The following MYOZ3 variants were observed in gnomAD, a reference collection of about 807,000 sequenced individuals.
MYOZ3 encodes myozenin-3.
Under a neutral mutation model 26.5 loss-of-function variants are expected in MYOZ3, and 19 were observed. The ratio of observed to expected loss-of-function variants is 0.72; its 90% CI spans 0.50 to 1.05. MYOZ3 has a LOEUF of 1.05. Ranked by LOEUF, MYOZ3 falls within the 50% of genes least tolerant of loss-of-function variation. The pLI, the probability that MYOZ3 is intolerant of heterozygous loss-of-function variation, is 0.00. For missense variants in MYOZ3, 322 were observed against 337.1 expected, an observed-to-expected ratio of 0.96 and a Z score of 0.35; for synonymous variants, 135 against 138.8, an observed-to-expected ratio of 0.97 and a Z score of 0.19.
At chr5:150,664,123 G>A (rs1758774454) in intron 2 of MYOZ3, among the ~76,000 whole-genome samples, 1 of 152,198 alleles carries the variant, frequency 6.6e-6, no homozygotes, top group African/African-American at 2.4e-5. Flanking sequence ...TGAGGATTCT[G>A]ACTCAGGGGA....
Position 150,676,975 on chromosome 5 carries a change from C to T in MYOZ3, c.*100C>T. On this transcript the variant is annotated 3_prime_UTR_variant, in exon 7 of 7. Transcript: ENST00000517768. ...TCACAGTTGAAGAAGGGCCTTCACA[C>T]ACAAAACCTGATTGCAAATGGCTTC... 4 of 1,237,658 alleles carry T rather than the reference C, an allele frequency of 3.2e-6. No individual in the cohort carries two copies. The highest frequency in any genetic ancestry group is 4.5e-6 in the Non-Finnish European group (4 of 890,958). The allele number at this position is 1,237,658 out of a possible 1,614,324, so 76.7% of individuals were successfully genotyped here.
intron 6 of MYOZ3, chr5:150,672,889 T>C: frequency 4.9e-6 from 1 of 204,306 alleles, no homozygotes; most frequent in Non-Finnish European, 9.7e-6. Context: ...GCCCAGTGCC[T>C]TGTTCTCCAT....
intron 1 of MYOZ3, among the ~76,000 whole-genome samples, chr5:150,662,132 C>A (rs1015660238): frequency 1.3e-5 from 2 of 152,132 alleles, no homozygotes; most frequent in African/African-American, 4.8e-5. Flanking sequence ...TATAGGAAAA[C>A]CTGGAGGCAA....
In MYOZ3 at chr5:150,671,603, G is replaced by A. The variant is rs1213421115; in HGVS notation, c.223G>A (p.Ala75Thr). 1 of 1,613,860 alleles carries A rather than the reference G, an allele frequency of 6.2e-7. No homozygotes were observed. The highest frequency in any genetic ancestry group is 1.7e-5 in the Admixed American group (1 of 60,014). Residue 75 changes from alanine (A) to threonine (T), a missense_variant, in exon 4 of 7, where the codon GCC becomes ACC. By Grantham distance (58) the Ala-to-Thr change is moderately conservative (BLOSUM62 0). Coordinates refer to ENST00000517768, the MANE Select transcript of MYOZ3 (RefSeq NM_001122853.3). Reference sequence around the variant, plus strand: ...TCTACCCCCTCGTTCCCAGATGCTGGCCGGAAGCGCCAGGAGGAAGGTGAC... The same window carrying A: ...TCTACCCCCTCGTTCCCAGATGCTGACCGGAAGCGCCAGGAGGAAGGTGAC... ...ELAASQRAMLAGSARRKVTGT... is the reference protein window; with the variant it reads ...ELAASQRAMLTGSARRKVTGT...
chr5:150,663,523 T>G (rs1758766314), intron 2 of MYOZ3, among the ~76,000 whole-genome samples: 1 of 152,178 alleles, frequency 6.6e-6, no homozygotes, highest in Non-Finnish European at 1.5e-5. Context: ...GGCTGCCCAT[T>G]TGAATACAAA....
chr5:150,666,711 C>T (rs1030705312), intron 2 of MYOZ3, among the ~76,000 whole-genome samples: 6 of 148,194 alleles, frequency 4.0e-5, no homozygotes, highest in Non-Finnish European at 8.9e-5. Context: ...CTTAGAATAC[C>T]TATTCTTCTG....
chr5:150,662,093 G>A (rs1210211870), intron 1 of MYOZ3, among the ~76,000 whole-genome samples: 1 of 152,202 alleles, frequency 6.6e-6, no homozygotes, highest in Admixed American at 6.5e-5. Flanking sequence ...GGATACAGAT[G>A]AAGGCAGATT....
intron 6 of MYOZ3, among the ~76,000 whole-genome samples, chr5:150,673,573 C>T (rs889590223): frequency 6.6e-6 from 1 of 152,198 alleles, no homozygotes; most frequent in African/African-American, 2.4e-5. Flanking sequence ...AACTCCTGAA[C>T]TCGTGATCCA....
At chr5:150,663,085 C>G (rs1265352593) in intron 2 of MYOZ3, 83 bp downstream of exon 2, 33 of 1,219,822 alleles carry the variant, frequency 2.7e-5, no homozygotes, top group Non-Finnish European at 3.8e-5. Flanking sequence ...CCTGCTGGCC[C>G]CAGGCCTGGG....
intron 6 of MYOZ3, 41 bp from the exon 7 acceptor site, chr5:150,676,666 G>T: frequency 6.3e-7 from 1 of 1,596,802 alleles, no homozygotes; most frequent in Non-Finnish European, 8.5e-7. Context: ...TGCTGTCCCT[G>T]TTCCACACAG....
chr5:150,671,271 C>T, intron 3 of MYOZ3: 1 of 341,426 alleles, frequency 2.9e-6, no homozygotes, highest in South Asian at 4.1e-5. Context: ...AAGCACTTTG[C>T]AGGTATCTCA....
intron 3 of MYOZ3, chr5:150,671,313 ATCT>A (rs1350831020): frequency 7.5e-5 from 37 of 490,940 alleles, no homozygotes; most frequent in Non-Finnish European, 5.1e-5. Context: ...TGAGGAAGAG[ATCT>A]TCATCACCAT....
At chr5:150,669,351 G>A (rs1758861753) in intron 2 of MYOZ3, among the ~76,000 whole-genome samples, 1 of 151,834 alleles carries the variant, frequency 6.6e-6, no homozygotes, top group African/African-American at 2.4e-5. Context: ...CGAGCCTAAG[G>A]CAGGAGAATT....
At position 150,676,745 on chromosome 5, in the gene MYOZ3, CTT is replaced by C. The variant is rs776438992; in HGVS notation, c.629_630del (p.Phe210SerfsTer34). 4 of 1,613,756 alleles carry C rather than the reference CTT, an allele frequency of 2.5e-6. No individual in the cohort carries two copies. In the East Asian group the frequency reaches 8.9e-5, roughly 36 times the overall value. On this transcript the variant is annotated frameshift_variant, in exon 7 of 7. Transcript: ENST00000517768. LOFTEE classifies it high-confidence loss of function. Reference sequence around the variant, plus strand: ...TTTGGAGGACCCCTCGTGGGGGGCACTTTTCCCAGGCCAGGCACCCCCTTCAT... The same window carrying C: ...TTTGGAGGACCCCTCGTGGGGGGCACTTCCCAGGCCAGGCACCCCCTTCAT...
chr5:150,676,871 T>C lies in MYOZ3; in HGVS notation c.752T>C (p.Leu251Pro). The change falls in exon 7 of 7, where the codon CTG becomes CCG. Residue 251 changes from leucine to proline, a missense_variant. By Grantham distance (98) the Leu-to-Pro change is moderately conservative. Transcript: ENST00000517768. Reference sequence around the variant, plus strand: ...CGTAACCTCCCAGAGTCCGAGGAGCTGTAGCCCTAGCCTGAATCTTCAGTT... The same window carrying C: ...CGTAACCTCCCAGAGTCCGAGGAGCCGTAGCCCTAGCCTGAATCTTCAGTT... ...WVRNLPESEE[L>P] 1 of 1,609,494 alleles carries C rather than the reference T, an allele frequency of 6.2e-7. No individual in the cohort carries two copies. The highest frequency in any genetic ancestry group is 1.1e-5 in the South Asian group (1 of 91,040).
At position 150,677,127 on chromosome 5, in the gene MYOZ3, T is replaced by C; in HGVS notation, c.*252T>C. 2.5e-6 allele frequency: 1 copy of C among 402,978 alleles called. No individual in the cohort carries two copies. The highest frequency in any genetic ancestry group is 7.1e-4 in the Middle Eastern group (1 of 1,412). The allele number at this position is 402,978 out of a possible 1,614,324, so 25.0% of individuals were successfully genotyped here. ...CATCAGAGTCTCCTGAGTCGAGGAATCTGTATTATTAATAGCAACCAGGGC... is the reference window on the plus strand; with the variant it reads ...CATCAGAGTCTCCTGAGTCGAGGAACCTGTATTATTAATAGCAACCAGGGC... On this transcript the variant is annotated 3_prime_UTR_variant, in exon 7 of 7. Coordinates refer to ENST00000517768, the MANE Select transcript of MYOZ3 (RefSeq NM_001122853.3).
intron 2 of MYOZ3, among the ~76,000 whole-genome samples, chr5:150,669,341 C>T (rs10077899): frequency 0.14 from 21,429 of 151,324 alleles, 2,860 homozygotes; most frequent in African/African-American, 0.36. Context: ...CAGCTACTCA[C>T]GAGCCTAAGG....
At chr5:150,672,595 T>G (rs548068382) in intron 6 of MYOZ3, 93 bp downstream of exon 6, 11 of 1,415,704 alleles carry the variant, frequency 7.8e-6, no homozygotes, top group Admixed American at 2.7e-5. Context: ...GAGCACTTTC[T>G]GCAGGCCAGG....
At chr5:150,671,985 A>G in intron 5 of MYOZ3, 77 bp downstream of exon 5, 1 of 1,450,026 alleles carries the variant, frequency 6.9e-7, no homozygotes. Context: ...GGGCAGGAAG[A>G]GCACCCAGAA....
Sources: gnomAD v4.1 joint callset for allele counts (sites outside exome capture counted in the v4.1 genomes callset) on GRCh38, gnomAD v4.1.1 for gene constraint, MANE v1.5 for transcripts, NCBI Gene and HGNC (gene_info 2026-07-23, HGNC 2026-07-21) for gene names.